Variants in ZMIZ1 observed in about 807,000 individuals in gnomAD.
ZMIZ1 encodes zinc finger MIZ-type containing 1, also known as zinc finger MIZ domain-containing protein 1.
A neutral mutation model predicts 113.9 loss-of-function variants in ZMIZ1; 17 were observed. The observed-to-expected ratio is 0.15, with a 90% confidence interval of 0.10 to 0.22. The LOEUF (loss-of-function observed/expected upper bound fraction) is 0.22. Among genes scored for constraint, ZMIZ1 ranks in the 10% least tolerant of loss-of-function variants. The pLI, the probability that ZMIZ1 is intolerant of heterozygous loss-of-function variation, is 1.00. For synonymous variants in ZMIZ1, 607 were observed against 603.1 expected (o/e 1.01, Z -0.09); for missense variants, 1,059 against 1,477.8 (o/e 0.72, Z 4.65).
chr10:79,203,759 C>T (rs1027772189), intron 5 of ZMIZ1, among the ~76,000 whole-genome samples: 11 of 152,214 alleles, frequency 7.2e-5, no homozygotes, highest in Non-Finnish European at 1.0e-4. Context: ...ACCATTCCGT[C>T]GCTTACAAAC....
At chr10:79,206,874 G>A (rs1449621477) in intron 5 of ZMIZ1, among the ~76,000 whole-genome samples, 2 of 152,188 alleles carry the variant, frequency 1.3e-5, no homozygotes, top group African/African-American at 4.8e-5. Flanking sequence ...TTCCATGGAA[G>A]GAGGACATTC....
In ZMIZ1 at chr10:79,314,210, C is replaced by G. The variant is rs1218801846; in HGVS notation, c.*1461C>G. 1 of 457,104 alleles carries G rather than the reference C, an allele frequency of 2.2e-6. No individual in the cohort carries two copies. The highest frequency in any genetic ancestry group is 4.4e-6 in the Non-Finnish European group (1 of 227,032). 28.3% of individuals were successfully genotyped at this position (457,104 alleles called of 1,614,324 possible). The stretch of plus-strand genomic sequence containing the variant: ...TCCTGGGGAGCCTGTCCTGTGTTCA[C>G]TTTGTTTCAGGCTGGTCTGTGCCCC... On this transcript the variant is annotated 3_prime_UTR_variant, in exon 25 of 25. Transcript: ENST00000334512.
intron 12 of ZMIZ1, chr10:79,295,440 C>T (rs1009389942): frequency 6.6e-6 from 1 of 152,226 alleles, no homozygotes; most frequent in Non-Finnish European, 1.5e-5. Context: ...GCCTTCCTTC[C>T]CCTTGCCATG....
At chr10:79,072,031 G>A (rs1325003925) in intron 1 of ZMIZ1, among the ~76,000 whole-genome samples, 1 of 152,174 alleles carries the variant, frequency 6.6e-6, no homozygotes, top group East Asian at 1.9e-4. Context: ...GGTGGATTTG[G>A]CATTTTGGGT....
rs1241998502 is a variant in ZMIZ1, at chr10:79,300,880, C to G, written c.1957C>G (p.Leu653Val). 1 of 1,613,350 alleles carries G rather than the reference C, an allele frequency of 6.2e-7. No homozygotes were observed. Among genetic ancestry groups the G allele is most frequent in the South Asian group, 1.1e-5 (1 of 91,086 alleles). ...CAAGACCTCCCACAAGCCCCTGCAC[C>G]TGAAGCACGTGTGCCAGCCGGGCCG... ...DNKTSHKPLH[L>V]KHVCQPGRNT... is the part of the protein sequence containing the mutation. The change falls in exon 17 of 25, where the codon CTG (leucine) becomes GTG (valine). Residue 653 changes from leucine (L) to valine (V), a missense_variant. Physicochemically the swap from Leu to Val is conservative, Grantham distance 32. Transcript: ENST00000334512.
chr10:79,088,607 C>T (rs1019070148), intron 1 of ZMIZ1, among the ~76,000 whole-genome samples: 9 of 152,138 alleles, frequency 5.9e-5, no homozygotes, highest in African/African-American at 1.7e-4. Context: ...TCGGCCCCTA[C>T]AGGCTTTAAG....
intron 3 of ZMIZ1, among the ~76,000 whole-genome samples, chr10:79,159,473 C>A (rs1397629618): frequency 3.3e-5 from 5 of 152,218 alleles, no homozygotes; most frequent in Admixed American, 1.3e-4. Flanking sequence ...TTCAGGCTCT[C>A]CGGCTGGTTG....
chr10:79,272,257 G>T (rs1335482558), intron 7 of ZMIZ1, among the ~76,000 whole-genome samples: 1 of 152,058 alleles, frequency 6.6e-6, no homozygotes, highest in Non-Finnish European at 1.5e-5. Flanking sequence ...CTGCACTCCA[G>T]CCTGGGTGAC....
At chr10:79,142,326 G>A (rs1302103382) in intron 3 of ZMIZ1, among the ~76,000 whole-genome samples, 3 of 152,312 alleles carry the variant, frequency 2.0e-5, no homozygotes, top group Admixed American at 6.5e-5. Context: ...GTTGCAAGTC[G>A]TGAGGCAGAT....
Position 79,298,490 on chromosome 10 carries a change from A to T in ZMIZ1, c.1576A>T (p.Ile526Phe), listed in dbSNP as rs1386557658. The T allele has an allele frequency of 6.2e-7, 1 of 1,604,050 alleles. No individual in the cohort carries two copies. The highest frequency in any genetic ancestry group is 8.5e-7 in the Non-Finnish European group (1 of 1,175,638). The part of the protein sequence containing the change: ...PTPPMTPGSS[I>F]PPYLSPSQDV... The stretch of plus-strand genomic sequence containing the variant: ...ACCCCCCATGACCCCTGGGAGCAGC[A>T]TCCCTCCATACCTGTCCCCCAGCCA... The change falls in exon 15 of 25, where the codon ATC (isoleucine) becomes TTC (phenylalanine). Residue 526 changes from isoleucine to phenylalanine, a missense_variant. Around this residue, in one of 6 missense-constraint regions of ZMIZ1, gnomAD observed 239 missense variants for 247.5 expected, o/e 0.97. Coordinates refer to ENST00000334512, the MANE Select transcript of ZMIZ1 (RefSeq NM_020338.4).
chr10:79,131,789 C>T (rs1044441154), intron 2 of ZMIZ1, among the ~76,000 whole-genome samples: 2 of 152,128 alleles, frequency 1.3e-5, no homozygotes, highest in Admixed American at 6.5e-5. Context: ...CGCAAGGGCC[C>T]GGCCCCTGTT....
chr10:79,199,020 G>A (rs1202728648), intron 4 of ZMIZ1, among the ~76,000 whole-genome samples: 1 of 145,638 alleles, frequency 6.9e-6, no homozygotes, highest in South Asian at 2.3e-4. Flanking sequence ...GCAACAGAGC[G>A]AGACTCAGTC....
At chr10:79,108,373 A>G (rs915665258) in intron 1 of ZMIZ1, among the ~76,000 whole-genome samples, 1 of 152,122 alleles carries the variant, frequency 6.6e-6, no homozygotes, top group Non-Finnish European at 1.5e-5. Flanking sequence ...AACCACCTGC[A>G]GTGTTACTGT....
At chr10:79,110,371 G>A (rs544430398) in intron 1 of ZMIZ1, among the ~76,000 whole-genome samples, 1 of 152,322 alleles carries the variant, frequency 6.6e-6, no homozygotes, top group South Asian at 2.1e-4. Context: ...ACAGGTGAAT[G>A]CATGGCGGAT....
chr10:79,301,407 T>C (rs1394510226), intron 17 of ZMIZ1, among the ~76,000 whole-genome samples: 1 of 151,398 alleles, frequency 6.6e-6, no homozygotes, highest in Middle Eastern at 3.2e-3. Flanking sequence ...TGTCTTAGAG[T>C]CACGTATGGG....
At chr10:79,201,890 G>A (rs559566156) in intron 5 of ZMIZ1, among the ~76,000 whole-genome samples, 198 bp downstream of exon 5, 1 of 152,032 alleles carries the variant, frequency 6.6e-6, no homozygotes, top group African/African-American at 2.4e-5. Context: ...ATGCTGCCCT[G>A]TCCCTTTCCA....
intron 6 of ZMIZ1, among the ~76,000 whole-genome samples, chr10:79,214,201 G>GT (rs1848630724): frequency 6.6e-6 from 1 of 152,336 alleles, no homozygotes; most frequent in South Asian, 2.1e-4. Flanking sequence ...TATGTGGACA[G>GT]TGAGACTTAT....
chr10:79,145,195 A>C (rs1589332649), intron 3 of ZMIZ1, among the ~76,000 whole-genome samples: 2 of 141,966 alleles, frequency 1.4e-5, no homozygotes, highest in Non-Finnish European at 3.1e-5. Context: ...CTTGCCTCTC[A>C]CTCTTCCTCC....
At chr10:79,309,771 G>A (rs1035760995) in intron 23 of ZMIZ1, among the ~76,000 whole-genome samples, 6 of 152,312 alleles carry the variant, frequency 3.9e-5, no homozygotes, top group Non-Finnish European at 7.4e-5. Context: ...GTTCTGTGTG[G>A]CTGCCCCAGG....
Sources: gnomAD v4.1 joint callset for allele counts (sites outside exome capture counted in the v4.1 genomes callset) on GRCh38, gnomAD v4.1.1 for gene constraint, gnomAD v4.1.1 regional missense constraint, MANE v1.5 for transcripts, NCBI Gene and HGNC (gene_info 2026-07-23, HGNC 2026-07-21) for gene names.